ESR1: variants seen among roughly 807,000 people sequenced by gnomAD.
The protein encoded by ESR1 is estrogen receptor 1.
In ESR1, 12 loss-of-function variants were observed where a neutral mutation model predicts 52.7. The ratio of observed to expected loss-of-function variants is 0.23; its 90% CI spans 0.15 to 0.37. ESR1 has a LOEUF of 0.37. ESR1 is among the 10% of genes least tolerant of loss of function. ESR1 has a pLI of 1.00. For synonymous variants in ESR1, 305 were observed against 316.8 expected (o/e 0.96, Z 0.39); for missense variants, 584 against 779.7 (o/e 0.75, Z 2.99).
intron 4 of ESR1, among the ~76,000 whole-genome samples, chr6:151,986,173 C>A (rs1354847712): frequency 6.6e-6 from 1 of 151,848 alleles, no homozygotes; most frequent in Non-Finnish European, 1.5e-5. Context: ...CATAACGGGG[C>A]CAGGACTGGG....
chr6:151,773,170 A>G (rs1010511844), intron 2 of ESR1, among the ~76,000 whole-genome samples: 5 of 152,174 alleles, frequency 3.3e-5, no homozygotes, highest in Non-Finnish European at 7.4e-5. Context: ...TTGGACAGAG[A>G]CACACACATA....
chr6:151,909,348 G>C (rs899774326), intron 3 of ESR1, among the ~76,000 whole-genome samples: 2 of 152,200 alleles, frequency 1.3e-5, no homozygotes, highest in Non-Finnish European at 2.9e-5. Context: ...ATCTGGTTGT[G>C]GGACCAAGGA....
At chr6:151,768,802 TA>T (rs1785268992) in intron 2 of ESR1, among the ~76,000 whole-genome samples, 1 of 152,190 alleles carries the variant, frequency 6.6e-6, no homozygotes, top group Non-Finnish European at 1.5e-5. Context: ...CTTTAACTCG[TA>T]AATTACTTAA....
chr6:152,083,633 C>CA (rs2049428605), intron 6 of ESR1, among the ~76,000 whole-genome samples: 1 of 152,188 alleles, frequency 6.6e-6, no homozygotes, highest in Admixed American at 6.5e-5. Flanking sequence ...AGAGCTTCTG[C>CA]ACAGCAAAGG....
intron 1 of ESR1, among the ~76,000 whole-genome samples, chr6:151,696,948 C>T (rs1283573434): frequency 6.6e-6 from 1 of 152,066 alleles, no homozygotes; most frequent in Non-Finnish European, 1.5e-5. Context: ...AAAGGAGGTG[C>T]ATAATGAAAG....
chr6:152,043,131 C>T (rs1183693480), intron 5 of ESR1, among the ~76,000 whole-genome samples: 2 of 152,186 alleles, frequency 1.3e-5, no homozygotes. Context: ...TTCACTCCAC[C>T]ATCCCAGTCT....
At chr6:151,938,807 G>A (rs2034683058) in intron 3 of ESR1, among the ~76,000 whole-genome samples, 2 of 152,124 alleles carry the variant, frequency 1.3e-5, no homozygotes, top group Admixed American at 6.5e-5. Flanking sequence ...AACGTGACGA[G>A]GATATTATAG....
intron 1 of ESR1, among the ~76,000 whole-genome samples, chr6:151,666,296 GGA>G (rs368461861): frequency 1.3e-4 from 20 of 152,096 alleles, no homozygotes; most frequent in African/African-American, 4.3e-4. Flanking sequence ...TGGTTGGTGT[GGA>G]GAGAGAGAGA....
intron 2 of ESR1, among the ~76,000 whole-genome samples, chr6:151,776,350 A>G (rs1440849962): frequency 6.6e-6 from 1 of 152,254 alleles, no homozygotes; most frequent in African/African-American, 2.4e-5. Context: ...TCTTCCAGAC[A>G]TTTTATCAGA....
intron 4 of ESR1, among the ~76,000 whole-genome samples, chr6:151,973,289 C>G (rs1040022432): frequency 6.6e-6 from 1 of 152,090 alleles, no homozygotes; most frequent in Non-Finnish European, 1.5e-5. Flanking sequence ...GTAATTTGCC[C>G]AGAATACCTA....
intron 5 of ESR1, 27 bp from the exon 6 acceptor site, chr6:152,060,964 T>C (rs2128957541): frequency 2.0e-6 from 3 of 1,530,372 alleles, no homozygotes; most frequent in Non-Finnish European, 1.8e-6. Flanking sequence ...TTTTATTTAT[T>C]TATTTATTTT....
exon 7 of ESR1, chr6:152,128,713 A>G (rs1187693220): frequency 6.6e-6 from 1 of 152,232 alleles, no homozygotes; most frequent in Non-Finnish European, 1.5e-5. Context: ...TAAACTATTT[A>G]TGCTTCTGCA....
intron 2 of ESR1, among the ~76,000 whole-genome samples, chr6:151,865,378 AG>A (rs1789697240): frequency 6.6e-6 from 1 of 152,164 alleles, no homozygotes; most frequent in Non-Finnish European, 1.5e-5. Context: ...AAAGTTTTGC[AG>A]TTGACAAAGG....
At chr6:151,947,213 G>T (rs933217688) in intron 4 of ESR1, among the ~76,000 whole-genome samples, 1 of 152,148 alleles carries the variant, frequency 6.6e-6, no homozygotes, top group Non-Finnish European at 1.5e-5. Context: ...CAGGTACTTG[G>T]GATGTTGAGG....
intron 5 of ESR1, among the ~76,000 whole-genome samples, chr6:152,020,449 T>G (rs1403798154): frequency 6.6e-6 from 1 of 152,100 alleles, no homozygotes; most frequent in African/African-American, 2.4e-5. Flanking sequence ...TTTTTCCTTT[T>G]TTTTGTTTGT....
At chr6:152,029,728 T>A (rs1277659576) in intron 5 of ESR1, among the ~76,000 whole-genome samples, 1 of 152,130 alleles carries the variant, frequency 6.6e-6, no homozygotes, top group Non-Finnish European at 1.5e-5. Context: ...CAGGATATTA[T>A]CCAGGAGAAC....
chr6:151,858,519 G>C (rs1196581685), intron 2 of ESR1, among the ~76,000 whole-genome samples: 1 of 151,366 alleles, frequency 6.6e-6, no homozygotes, highest in Non-Finnish European at 1.5e-5. Flanking sequence ...AACAGTGCCT[G>C]ACCCTCACTT....
At chr6:151,839,344 A>G (rs958113531) in intron 1 of ESR1, among the ~76,000 whole-genome samples, 8 of 152,142 alleles carry the variant, frequency 5.3e-5, no homozygotes, top group African/African-American at 1.9e-4. Flanking sequence ...AGAAGAGAGT[A>G]AGTGTTGGAG....
intron 3 of ESR1, among the ~76,000 whole-genome samples, chr6:151,889,833 T>G (rs915153474): frequency 6.6e-6 from 1 of 152,160 alleles, no homozygotes; most frequent in African/African-American, 2.4e-5. Flanking sequence ...CCCACAAATT[T>G]TGGTATGTTG....
Sources: gnomAD v4.1 joint callset for allele counts (sites outside exome capture counted in the v4.1 genomes callset) on GRCh38, gnomAD v4.1.1 for gene constraint, MANE v1.5 for transcripts, NCBI Gene and HGNC (gene_info 2026-07-23, HGNC 2026-07-21) for gene names.